Variants in RYR3 observed in about 807,000 individuals in gnomAD.
RYR3 encodes brain ryanodine receptor-calcium release channel.
RYR3 carries 207 observed loss-of-function variants against 584.3 expected under a neutral mutation model. The ratio of observed to expected loss-of-function variants is 0.35; its 90% CI spans 0.32 to 0.40. The LOEUF (loss-of-function observed/expected upper bound fraction) is 0.40. RYR3 is among the 10% of genes least tolerant of loss of function. The probability of loss-of-function intolerance (pLI) is 1.00; values close to 1 mark genes in which losing one functional copy is unlikely to be tolerated. For missense variants in RYR3, 5,616 were observed against 6,089.2 expected (o/e 0.92, Z 2.59); for synonymous variants, 2,416 against 2,248.5 (o/e 1.07, Z -2.11).
At chr15:33,664,276 G>A (rs1258566329) in intron 36 of RYR3, among the ~76,000 whole-genome samples, 1 of 152,020 alleles carries the variant, frequency 6.6e-6, no homozygotes, top group African/African-American at 2.4e-5. Flanking sequence ...TCATCTTTGT[G>A]ATTTGTTGTA....
chr15:33,667,377 C>T (rs996499211), intron 36 of RYR3, among the ~76,000 whole-genome samples: 2 of 152,228 alleles, frequency 1.3e-5, no homozygotes, highest in African/African-American at 4.8e-5. Flanking sequence ...GCTTTATTTT[C>T]ACTGATCTCT....
chr15:33,838,210 G>A lies in RYR3; in HGVS notation c.12230G>A (p.Gly4077Glu). The A allele has an allele frequency of 6.2e-7, 1 of 1,613,998 alleles. No homozygotes were observed. The highest frequency in any genetic ancestry group is 8.5e-7 in the Non-Finnish European group (1 of 1,179,886). Residue 4077 changes from glycine (G) to glutamate (E), a missense_variant, in exon 89 of 104, where the codon GGG (glycine) becomes GAG (glutamate). Physicochemically the swap from Gly to Glu is moderately conservative, Grantham distance 98. Around this residue, in one of 9 missense-constraint regions of RYR3, gnomAD observed 258 missense variants for 297.3 expected, o/e 0.87. Transcript: ENST00000634891. The part of the protein sequence containing the change: ...QFIFDVVNEG[G>E]EQEKMELFVN... ...ATTTTTGATGTTGTCAATGAAGGTG[G>A]GGAGCAGGAAAAGATGGAGCTGTTT...
At chr15:33,819,253 G>C (rs1172643784) in intron 76 of RYR3, among the ~76,000 whole-genome samples, 1 of 152,218 alleles carries the variant, frequency 6.6e-6, no homozygotes, top group Non-Finnish European at 1.5e-5. Context: ...TTAAGCCCCT[G>C]CTGGTTCACA....
chr15:33,334,710 C>T (rs1277380924), intron 1 of RYR3, among the ~76,000 whole-genome samples: 1 of 151,910 alleles, frequency 6.6e-6, no homozygotes, highest in Non-Finnish European at 1.5e-5. Flanking sequence ...TTCTGCACAG[C>T]AAAAGAAAAC....
At chr15:33,588,283 A>T (rs1426602361) in intron 16 of RYR3, among the ~76,000 whole-genome samples, 2 of 152,172 alleles carry the variant, frequency 1.3e-5, no homozygotes, top group African/African-American at 4.8e-5. Context: ...TTAATGACAG[A>T]CTAGGAGCAG....
chr15:33,765,562 G>A (rs2072951826), intron 60 of RYR3, among the ~76,000 whole-genome samples: 1 of 150,204 alleles, frequency 6.7e-6, no homozygotes, highest in Non-Finnish European at 1.5e-5. Context: ...GAACCCAGGA[G>A]GCGGAGGTTG....
intron 3 of RYR3, among the ~76,000 whole-genome samples, chr15:33,506,750 G>T (rs145452882): frequency 6.6e-6 from 1 of 152,082 alleles, no homozygotes; most frequent in African/African-American, 2.4e-5. Flanking sequence ...TTAGTCTTTC[G>T]TATGAAAAAT....
At chr15:33,811,526 T>A (rs1325566344) in intron 72 of RYR3, among the ~76,000 whole-genome samples, 1 of 149,346 alleles carries the variant, frequency 6.7e-6, no homozygotes, top group Admixed American at 6.7e-5. Context: ...AAAAAAAAAG[T>A]ACTGGTACAT....
intron 60 of RYR3, among the ~76,000 whole-genome samples, chr15:33,767,689 G>A (rs1242344796): frequency 6.6e-6 from 1 of 152,160 alleles, no homozygotes; most frequent in Non-Finnish European, 1.5e-5. Flanking sequence ...AGGGGACCCC[G>A]TGGCCTATCC....
At position 33,861,091 on chromosome 15, in the gene RYR3, T is replaced by C; in HGVS notation, c.14378T>C (p.Ile4793Thr). 1 of 1,589,672 alleles carries C rather than the reference T, an allele frequency of 6.3e-7. No homozygotes were observed. Among genetic ancestry groups the C allele is most frequent in the Non-Finnish European group, 8.6e-7 (1 of 1,166,636 alleles). Residue 4793 changes from isoleucine to threonine, a missense_variant, in exon 102 of 104, where the codon ATC becomes ACC. Physicochemically the swap from Ile to Thr is moderately conservative, Grantham distance 89. This residue lies in a region of RYR3 where 918 missense variants were observed against 887.4 expected (regional missense o/e 1.03). Transcript: ENST00000634891. ...TATTTTTCTTAGACTAAATGTTTCA[T>C]CTGTGGGATTGGCAATGACTACTTT... Reference protein sequence around the residue: ...VREDMETKCFICGIGNDYFDT... With the variant: ...VREDMETKCFTCGIGNDYFDT...
chr15:33,851,267 T>C (rs564137067), intron 94 of RYR3: 2 of 152,128 alleles, frequency 1.3e-5, no homozygotes, highest in African/African-American at 4.8e-5. Context: ...GGAGAGAAAT[T>C]TGCTGAATAG....
chr15:33,607,136 C>A (rs79520366), intron 18 of RYR3, among the ~76,000 whole-genome samples: 2,594 of 152,248 alleles, frequency 0.017, 31 homozygotes, highest in Non-Finnish European at 0.026. Flanking sequence ...GTCTTTGGAT[C>A]CCCTGTCATT....
intron 34 of RYR3, among the ~76,000 whole-genome samples, chr15:33,660,954 A>G (rs953934533): frequency 3.3e-5 from 5 of 152,228 alleles, no homozygotes; most frequent in South Asian, 2.1e-4. Context: ...ATGAGATTGT[A>G]TAAGTATAAT....
intron 1 of RYR3, among the ~76,000 whole-genome samples, chr15:33,329,242 G>T (rs941299152): frequency 6.6e-6 from 1 of 152,234 alleles, no homozygotes; most frequent in Non-Finnish European, 1.5e-5. Flanking sequence ...GTAAGAACTC[G>T]TATGTAATGC....
chr15:33,430,745 A>G (rs1048219861), intron 1 of RYR3, among the ~76,000 whole-genome samples: 3 of 152,304 alleles, frequency 2.0e-5, no homozygotes, highest in Non-Finnish European at 1.5e-5. Flanking sequence ...AGCTACTACT[A>G]TCTTCTTGCT....
At position 33,631,846 on chromosome 15, in the gene RYR3, A is replaced by G. The variant is rs555506215; in HGVS notation, c.2867+553A>G. Among the ~76,000 whole-genome samples the G allele has an allele frequency of 3.3e-5, 5 of 152,346 alleles. No homozygotes were observed. In the South Asian group the frequency reaches 1.0e-3, roughly 32 times the overall value. On this transcript the variant is annotated intron_variant, in intron 23 of 103. Transcript: ENST00000634891. ...TTTGCTCTCATGCATGCCAGCAGAT[A>G]TGCAGATGGATTCACACACAGGTGT...
At position 33,838,802 on chromosome 15, in the gene RYR3, T is replaced by C; in HGVS notation, c.12822T>C (p.Asp4274=). The change falls in exon 89 of 104, where the codon GAT becomes GAC. Residue 4274 remains aspartate, a synonymous_variant. Coordinates refer to ENST00000634891, the MANE Select transcript of RYR3 (RefSeq NM_001036.6). ...ACTTCATAAAGGGGGAGAAGGGAGA[T>C]ACAGATATCATGTCAGACCTCTTTG... is the stretch of plus-strand genomic sequence containing the variant. ...LVHFIKGEKG[D]TDIMSDLFGL... is the part of the protein sequence containing the mutation. 1 of 1,613,830 alleles carries C rather than the reference T, an allele frequency of 6.2e-7. No individual in the cohort carries two copies. Among genetic ancestry groups the C allele is most frequent in the East Asian group, 2.2e-5 (1 of 44,874 alleles).
intron 7 of RYR3, among the ~76,000 whole-genome samples, chr15:33,542,728 T>A (rs1304288737): frequency 1.3e-5 from 2 of 152,258 alleles, no homozygotes; most frequent in East Asian, 3.9e-4. Context: ...TTATGTGATT[T>A]TTTTTCCTTT....
At chr15:33,509,039 A>G (rs1293446591) in intron 3 of RYR3, among the ~76,000 whole-genome samples, 5 of 152,254 alleles carry the variant, frequency 3.3e-5, no homozygotes, top group Non-Finnish European at 7.3e-5. Context: ...GTCATGAGAT[A>G]CATGAGATAT....
Sources: allele counts gnomAD v4.1 joint callset (sites outside exome capture counted in the v4.1 genomes callset), GRCh38; gene constraint gnomAD v4.1.1; regional missense constraint gnomAD v4.1.1; transcripts MANE v1.5; gene names NCBI Gene and HGNC (gene_info 2026-07-23, HGNC 2026-07-21).